The following C2CD2 variants were observed in gnomAD, a reference collection of about 807,000 sequenced individuals.
C2CD2 encodes C2 domain-containing protein 2.
C2CD2 carries 43 observed loss-of-function variants against 74.3 expected under a neutral mutation model. The ratio of observed to expected loss-of-function variants is 0.58; its 90% CI spans 0.45 to 0.75. C2CD2 has a LOEUF of 0.75. Among genes scored for constraint, C2CD2 ranks in the 30% least tolerant of loss-of-function variants. The pLI, the probability that C2CD2 is intolerant of heterozygous loss-of-function variation, is 0.00. For synonymous variants in C2CD2, 422 were observed against 390.7 expected, an observed-to-expected ratio of 1.08 and a Z score of -0.94; for missense variants, 801 against 916.3, an observed-to-expected ratio of 0.87 and a Z score of 1.63.
At position 41,905,786 on chromosome 21, in the gene C2CD2, G is replaced by C; in HGVS notation, c.1370C>G (p.Ser457Cys). ...GCTGCGGCAGGCGATGGCCTGGACA[G>C]AGATGTCCTTCTCGATCACCTTCAC... ...IKVKVIEKDI[S>C]VQAIACRSAP... The change falls in exon 11 of 14, where the codon TCT becomes TGT. Residue 457 changes from serine to cysteine, a missense_variant. Transcript: ENST00000380486. 1 of 1,611,870 alleles carries C rather than the reference G, an allele frequency of 6.2e-7. No individual in the cohort carries two copies. Among genetic ancestry groups the C allele is most frequent in the Non-Finnish European group, 8.5e-7 (1 of 1,177,900 alleles).
intron 13 of C2CD2, among the ~76,000 whole-genome samples, chr21:41,898,137 A>G (rs1249766427): frequency 1.3e-5 from 2 of 152,228 alleles, no homozygotes; most frequent in African/African-American, 2.4e-5. Context: ...GTCTCAGGAC[A>G]TCCTGAGATT....
intron 5 of C2CD2, among the ~76,000 whole-genome samples, chr21:41,916,482 A>T (rs886262003): frequency 2.0e-5 from 3 of 152,136 alleles, no homozygotes; most frequent in African/African-American, 4.8e-5. Flanking sequence ...ACTTGGACTG[A>T]AACAGTGACT....
rs149097056 is a variant in C2CD2, at chr21:41,906,997, C to A, written c.1313G>T (p.Ser438Ile). 2.5e-6 allele frequency: 4 copies of A among 1,613,268 alleles called. No homozygotes were observed. The highest frequency in any genetic ancestry group is 3.4e-6 in the Non-Finnish European group (4 of 1,179,694). The change falls in exon 10 of 14, where the codon AGC (serine) becomes ATC (isoleucine). Residue 438 changes from serine to isoleucine, a missense_variant. Transcript: ENST00000380486. ...CTGCGTTCCTGTTGTCTCACCAGAG[C>A]TCAGCGGGGACGCCCTCCCCACGTC... The part of the protein sequence containing the change: ...RVDVGRASPL[S>I]SDSPVKTPIK...
chr21:41,907,881 C>T (rs1407320176), intron 8 of C2CD2, 97 bp from the exon 9 acceptor site: 6 of 1,290,926 alleles, frequency 4.6e-6, no homozygotes, highest in Non-Finnish European at 5.6e-6. Flanking sequence ...GAACACGCTC[C>T]TCCCGTGCAT....
At position 41,953,361 on chromosome 21, in the gene C2CD2, GAA is replaced by G; in HGVS notation, c.279+7_279+8del. 7.1e-7 allele frequency: 1 copy of G among 1,408,340 alleles called. No individual in the cohort carries two copies. The highest frequency in any genetic ancestry group is 9.3e-7 in the Non-Finnish European group (1 of 1,076,926). 87.2% of individuals were successfully genotyped at this position (1,408,340 alleles called of 1,614,324 possible). A position where few individuals can be genotyped will look rare whatever the true frequency, so the allele number is the denominator to read the frequency against. ...TGCCGCCCCCCGGCCCGCAGTCCCGGAAACTCACCCCTTTCCTCTCGGCCTCC... is the reference window on the plus strand; with the variant it reads ...TGCCGCCCCCCGGCCCGCAGTCCCGGACTCACCCCTTTCCTCTCGGCCTCC... On this transcript the variant is annotated splice_region_variant and intron_variant, in intron 1 of 13. Coordinates refer to ENST00000380486, the MANE Select transcript of C2CD2 (RefSeq NM_015500.2).
rs2065471079 is a variant in C2CD2 at position 41,953,789 on chromosome 21, G to T, written c.-141C>A. ...GCGGGGTCGGAGCCCGGCGAGGAGC[G>T]TGGCCGGGGGCCTCTGGGCGGGCAA... On this transcript the variant is annotated 5_prime_UTR_variant, in exon 1 of 14. Transcript: ENST00000380486. The T allele has an allele frequency of 5.4e-6, 4 of 736,500 alleles. No individual in the cohort carries two copies. The highest frequency in any genetic ancestry group is 4.6e-5 in the Admixed American group (1 of 21,538). 45.6% of individuals were successfully genotyped at this position (736,500 alleles called of 1,614,324 possible).
At position 41,916,682 on chromosome 21, in the gene C2CD2, CA is replaced by C. The variant is rs1302342753; in HGVS notation, c.720+1422del. On this transcript the variant is annotated intron_variant, in intron 5 of 13. Coordinates refer to ENST00000380486, the MANE Select transcript of C2CD2 (RefSeq NM_015500.2). ...AGCTGATTACACACACACACACACACACACACACACACACACACACACACTC... is the reference window on the plus strand; with the variant it reads ...AGCTGATTACACACACACACACACACCACACACACACACACACACACACTC... Among the ~76,000 whole-genome samples the C allele has an allele frequency of 5.5e-4, 83 of 150,116 alleles. 1 individual carries two copies. The highest frequency in any genetic ancestry group is 1.9e-3 in the African/African-American group (75 of 39,884).
Position 41,942,260 on chromosome 21 carries a change from C to A in C2CD2, c.280-15G>T, listed in dbSNP as rs781313486. ...AAAGGTGGGCCCTGGAACAGAGGGG[C>A]AGCATGAGGAGGGCATGCACAGGAG... is the stretch of plus-strand genomic sequence containing the variant. On this transcript the variant is annotated splice_polypyrimidine_tract_variant and intron_variant, in intron 1 of 13. Coordinates refer to ENST00000380486, the MANE Select transcript of C2CD2 (RefSeq NM_015500.2). The A allele has an allele frequency of 1.0e-5, 16 of 1,543,856 alleles. No individual in the cohort carries two copies. Among genetic ancestry groups the A allele is most frequent in the Non-Finnish European group, 1.4e-5 (16 of 1,141,262 alleles).
At chr21:41,936,338 A>C (rs2065306991) in intron 2 of C2CD2, among the ~76,000 whole-genome samples, 1 of 152,250 alleles carries the variant, frequency 6.6e-6, no homozygotes, top group South Asian at 2.1e-4. Context: ...TCTATGAAAA[A>C]GGGCTCAACA....
At chr21:41,921,678 C>T (rs1407017378) in intron 3 of C2CD2, among the ~76,000 whole-genome samples, 1 of 152,198 alleles carries the variant, frequency 6.6e-6, no homozygotes, top group African/African-American at 2.4e-5. Flanking sequence ...TGCCACCTGC[C>T]TTATCATATC....
In C2CD2 at chr21:41,918,261, T is replaced by C. The variant is rs1219315598; in HGVS notation, c.598-34A>G. On this transcript the variant is annotated intron_variant, in intron 4 of 13. Coordinates refer to ENST00000380486, the MANE Select transcript of C2CD2 (RefSeq NM_015500.2). ...AGAGGAGAAAGTTGACAAATCGCCT[T>C]TGCAAGCCCACTCCCTGCTCCCAAT... 2.5e-6 allele frequency: 4 copies of C among 1,610,408 alleles called. No homozygotes were observed. In the South Asian group the frequency reaches 4.4e-5, roughly 18 times the overall value.
At chr21:41,918,045 G>A in intron 5 of C2CD2, 60 bp downstream of exon 5, 1 of 1,600,180 alleles carries the variant, frequency 6.2e-7, no homozygotes, top group Non-Finnish European at 8.6e-7. Context: ...TTCTCCAAGA[G>A]AGGTGGGCCA....
intron 6 of C2CD2, among the ~76,000 whole-genome samples, chr21:41,913,504 G>A (rs1455656206): frequency 6.6e-6 from 1 of 152,212 alleles, no homozygotes; most frequent in Non-Finnish European, 1.5e-5. Flanking sequence ...ACATGTGAGA[G>A]CTGGGACCCC....
At chr21:41,907,226 C>A in intron 9 of C2CD2, 60 bp from the exon 10 acceptor site, 1 of 1,318,174 alleles carries the variant, frequency 7.6e-7, no homozygotes, top group Non-Finnish European at 1.1e-6. Flanking sequence ...GCTGATCAGC[C>A]AGGTAACACT....
At chr21:41,914,410 C>T (rs2065064212) in intron 6 of C2CD2, among the ~76,000 whole-genome samples, 188 bp downstream of exon 6, 1 of 151,998 alleles carries the variant, frequency 6.6e-6, no homozygotes, top group Non-Finnish European at 1.5e-5. Flanking sequence ...CGTGCAGAAA[C>T]AGGATTGGAT....
rs1601556893 is a variant in C2CD2, at chr21:41,903,130, G to A, written c.1433-1381C>T. 6.6e-6 allele frequency among the ~76,000 whole-genome samples: 1 copy of A among 152,280 alleles called. No homozygotes were observed. Among genetic ancestry groups the A allele is most frequent in the Non-Finnish European group, 1.5e-5 (1 of 68,022 alleles). ...CGCATGCACGTACTGGGAAAGGGGC[G>A]ACTCCACGGAGATCAAAGCTCCCAC... On this transcript the variant is annotated intron_variant, in intron 11 of 13. Coordinates refer to ENST00000380486, the MANE Select transcript of C2CD2 (RefSeq NM_015500.2). The surrounding 1 kb of genome is among the most constrained non-coding windows in gnomAD (Gnocchi z 4.5).
In C2CD2 at chr21:41,932,481, C is replaced by T. The variant is rs578009501; in HGVS notation, c.378+9666G>A. Among the ~76,000 whole-genome samples, 5 of 150,780 alleles carry T rather than the reference C, an allele frequency of 3.3e-5. No individual in the cohort carries two copies. In the East Asian group the frequency reaches 5.9e-4, roughly 18 times the overall value. On this transcript the variant is annotated intron_variant, in intron 2 of 13. Coordinates refer to ENST00000380486, the MANE Select transcript of C2CD2 (RefSeq NM_015500.2). Reference sequence around the variant, plus strand: ...AAGAACGGGGGCAACCCGGAGCTTACGCCTGGTGTCTGAAGTGGGGGCCGT... The same window carrying T: ...AAGAACGGGGGCAACCCGGAGCTTATGCCTGGTGTCTGAAGTGGGGGCCGT...
chr21:41,895,340 A>C lies in C2CD2; in HGVS notation c.1870+3713T>G, dbSNP rs550622827. ...ATCCAGTAACTGATGGTCTGGATCA[A>C]GCAGATCATCTGCTTGACTTTGAGC... On this transcript the variant is annotated intron_variant, in intron 13 of 13. Coordinates refer to ENST00000380486, the MANE Select transcript of C2CD2 (RefSeq NM_015500.2). The surrounding 1 kb of genome is among the most constrained non-coding windows in gnomAD (Gnocchi z 5.0). 1.3e-5 allele frequency among the ~76,000 whole-genome samples: 2 copies of C among 152,198 alleles called. No homozygotes were observed. The highest frequency in any genetic ancestry group is 2.9e-5 in the Non-Finnish European group (2 of 68,026).
intron 2 of C2CD2, among the ~76,000 whole-genome samples, chr21:41,927,435 G>A (rs1260297414): frequency 6.6e-6 from 1 of 151,792 alleles, no homozygotes; most frequent in Non-Finnish European, 1.5e-5. Flanking sequence ...TGGGATTACA[G>A]GCGGGAACCA....
Sources: gnomAD v4.1 joint callset for allele counts (sites outside exome capture counted in the v4.1 genomes callset) on GRCh38, gnomAD v4.1.1 for gene constraint, Gnocchi (gnomAD v3.1) non-coding constraint, MANE v1.5 for transcripts, NCBI Gene and HGNC (gene_info 2026-07-23, HGNC 2026-07-21) for gene names.